QTMAN: variants seen among roughly 807,000 people sequenced by gnomAD.
QTMAN encodes tRNA-queuosine alpha-mannosyltransferase.
At chr2:144,093,926 G>A in the QTMAN span, among the ~76,000 whole-genome samples, 1 of 152,172 alleles carries the variant, frequency 6.6e-6, no homozygotes, top group Non-Finnish European at 1.5e-5. Flanking sequence ...AGAATGCAAT[G>A]TAATTATCTT....
At chr2:144,118,324 AACT>A in the QTMAN span, among the ~76,000 whole-genome samples, 1 of 152,204 alleles carries the variant, frequency 6.6e-6, no homozygotes, top group East Asian at 1.9e-4. Flanking sequence ...TACAGTAAGC[AACT>A]ACTACATCAA....
At chr2:144,007,197 A>T in the QTMAN span, 1 of 1,590,032 alleles carries the variant, frequency 6.3e-7, no homozygotes, top group Non-Finnish European at 8.6e-7. Flanking sequence ...GTGAGGCCAG[A>T]CAATGTGTAG....
the QTMAN span, among the ~76,000 whole-genome samples, chr2:144,245,052 GT>G: frequency 3.9e-4 from 60 of 152,282 alleles, no homozygotes; most frequent in African/African-American, 1.4e-3. Flanking sequence ...CCCCAATAGG[GT>G]TATTATTAAA....
chr2:144,141,746 T>C, the QTMAN span: 15 of 604,152 alleles, frequency 2.5e-5, no homozygotes, highest in Non-Finnish European at 3.5e-5. Context: ...AATCACAGCA[T>C]GGTGAGATAG....
chr2:144,197,877 T>G, the QTMAN span, among the ~76,000 whole-genome samples: 1 of 152,326 alleles, frequency 6.6e-6, no homozygotes, highest in Non-Finnish European at 1.5e-5. Flanking sequence ...TCTCATGTTC[T>G]ATTATAGCAC....
chr2:144,188,202 G>A, the QTMAN span, among the ~76,000 whole-genome samples: 1 of 151,930 alleles, frequency 6.6e-6, no homozygotes, highest in African/African-American at 2.4e-5. Flanking sequence ...GAGATAGCCA[G>A]GCAAATAAAA....
the QTMAN span, among the ~76,000 whole-genome samples, chr2:144,201,172 T>C: frequency 6.6e-6 from 1 of 152,166 alleles, no homozygotes; most frequent in Non-Finnish European, 1.5e-5. Flanking sequence ...AGTGCTAAAA[T>C]AGAGGTCTCA....
the QTMAN span, among the ~76,000 whole-genome samples, chr2:143,949,585 TAGA>T: frequency 6.6e-6 from 1 of 151,942 alleles, no homozygotes; most frequent in Non-Finnish European, 1.5e-5. Context: ...TTTTAGATCT[TAGA>T]AGCATATGTT....
At chr2:144,329,517 G>C in the QTMAN span, among the ~76,000 whole-genome samples, 1 of 152,178 alleles carries the variant, frequency 6.6e-6, no homozygotes, top group South Asian at 2.1e-4. Context: ...GTGGCCTATG[G>C]TAACAGTCAG....
At chr2:143,981,469 C>T in the QTMAN span, among the ~76,000 whole-genome samples, 1 of 151,966 alleles carries the variant, frequency 6.6e-6, no homozygotes, top group Non-Finnish European at 1.5e-5. Context: ...CTAGAAATGA[C>T]AAGGTCTTCA....
At chr2:144,241,973 A>T in the QTMAN span, among the ~76,000 whole-genome samples, 1 of 152,198 alleles carries the variant, frequency 6.6e-6, no homozygotes, top group Non-Finnish European at 1.5e-5. Context: ...GGTGGAAAAC[A>T]GAAATAACTC....
chr2:144,170,173 T>C, the QTMAN span, among the ~76,000 whole-genome samples: 2 of 152,224 alleles, frequency 1.3e-5, no homozygotes, highest in African/African-American at 4.8e-5. Context: ...AGTCCCTTAT[T>C]ATTGGCCAGT....
At chr2:144,320,324 A>T in the QTMAN span, among the ~76,000 whole-genome samples, 1 of 152,128 alleles carries the variant, frequency 6.6e-6, no homozygotes, top group African/African-American at 2.4e-5. Flanking sequence ...GGCCTAAATT[A>T]TTTTTTTGGT....
At chr2:144,057,980 T>C in the QTMAN span, among the ~76,000 whole-genome samples, 1 of 151,846 alleles carries the variant, frequency 6.6e-6, no homozygotes, top group Admixed American at 6.6e-5. Context: ...CAGCTGGCTA[T>C]ATGGGAGAAC....
At chr2:144,208,744 G>A in the QTMAN span, 1 of 1,613,674 alleles carries the variant, frequency 6.2e-7, no homozygotes, top group East Asian at 2.2e-5. Flanking sequence ...CTGTTTATGG[G>A]AGCCTCCATA....
At chr2:144,178,447 T>A in the QTMAN span, 2 of 152,308 alleles carry the variant, frequency 1.3e-5, no homozygotes, top group Non-Finnish European at 2.9e-5. Context: ...AGTCCATCCA[T>A]CCTTCACCCA....
the QTMAN span, among the ~76,000 whole-genome samples, chr2:144,036,340 C>T: frequency 1.3e-5 from 2 of 152,176 alleles, no homozygotes; most frequent in South Asian, 4.1e-4. Flanking sequence ...TGTAGAGATG[C>T]CAGATAATTT....
the QTMAN span, among the ~76,000 whole-genome samples, chr2:144,133,136 TATA>T: frequency 2.9e-5 from 1 of 34,872 alleles, no homozygotes; most frequent in East Asian, 6.8e-4. Context: ...TATATATATA[TATA>T]TATATATATA....
the QTMAN span, among the ~76,000 whole-genome samples, chr2:144,234,622 GC>G: frequency 6.6e-6 from 1 of 152,120 alleles, no homozygotes; most frequent in Non-Finnish European, 1.5e-5. Context: ...CTTTCCTCCT[GC>G]ACAATGCCAT....
Sources: allele counts gnomAD v4.1 joint callset (sites outside exome capture counted in the v4.1 genomes callset), GRCh38; gene constraint gnomAD v4.1.1; transcripts MANE v1.5; gene names NCBI Gene and HGNC (gene_info 2026-07-23, HGNC 2026-07-21).